Variants in BACE2 observed in about 807,000 individuals in gnomAD.
The protein encoded by BACE2 is 56 kDa aspartic-like protease.
In BACE2, 17 loss-of-function variants were observed where a neutral mutation model predicts 46.2. The ratio of observed to expected loss-of-function variants is 0.37; its 90% confidence interval spans 0.25 to 0.55. The LOEUF (loss-of-function observed/expected upper bound fraction) is 0.55. BACE2 is among the 20% of genes least tolerant of loss of function. BACE2 has a pLI of 0.82. For synonymous variants in BACE2, 277 were observed against 295.9 expected (o/e 0.94, Z 0.66); for missense variants, 595 against 698.1 (o/e 0.85, Z 1.66).
intron 1 of BACE2, among the ~76,000 whole-genome samples, chr21:41,215,854 T>G (rs1044197055): frequency 1.3e-5 from 2 of 152,082 alleles, no homozygotes; most frequent in African/African-American, 2.4e-5. Flanking sequence ...TTCAATGACC[T>G]TTTATGTAGC....
intron 1 of BACE2, chr21:41,179,897 G>T: frequency 2.6e-6 from 1 of 378,014 alleles, no homozygotes. Context: ...TGCAGGACAG[G>T]CGAGCCCTAA....
intron 2 of BACE2, among the ~76,000 whole-genome samples, chr21:41,231,438 G>A (rs1171363016): frequency 1.3e-5 from 2 of 152,202 alleles, no homozygotes; most frequent in African/African-American, 2.4e-5. Flanking sequence ...TTCTTTAGGA[G>A]ACTCAGCATT....
At chr21:41,257,027 A>G in intron 7 of BACE2, 131 bp from the exon 8 acceptor site, 5 of 935,346 alleles carry the variant, frequency 5.3e-6, no homozygotes, top group Non-Finnish European at 8.1e-6. Flanking sequence ...GGGTGAGATC[A>G]TCTTTCTTCT....
At chr21:41,268,548 C>G (rs2088402322) in intron 8 of BACE2, among the ~76,000 whole-genome samples, 1 of 152,170 alleles carries the variant, frequency 6.6e-6, no homozygotes, top group Non-Finnish European at 1.5e-5. Flanking sequence ...TGCTTTATGT[C>G]TGACCATCTT....
At chr21:41,202,734 C>T (rs185626691) in intron 1 of BACE2, among the ~76,000 whole-genome samples, 15 of 152,326 alleles carry the variant, frequency 9.8e-5, no homozygotes, top group African/African-American at 2.9e-4. Flanking sequence ...TGCTGATAGA[C>T]AGCAGTGCGG....
chr21:41,218,866 T>A (rs1986553608), intron 1 of BACE2, among the ~76,000 whole-genome samples: 1 of 127,374 alleles, frequency 7.9e-6, no homozygotes, highest in African/African-American at 3.7e-5. Context: ...CCAAACATCT[T>A]GACTTTTTTT....
intron 1 of BACE2, among the ~76,000 whole-genome samples, chr21:41,173,110 A>G (rs1984663485): frequency 6.6e-6 from 1 of 152,216 alleles, no homozygotes; most frequent in African/African-American, 2.4e-5. Flanking sequence ...CACTTTCTGA[A>G]TAAGGTTAAG....
At chr21:41,251,179 G>A (rs141638430) in intron 7 of BACE2, among the ~76,000 whole-genome samples, 27 of 152,314 alleles carry the variant, frequency 1.8e-4, no homozygotes, top group Admixed American at 9.1e-4. Context: ...ATCTGGTGGC[G>A]AGGTGGATGG....
At chr21:41,230,756 T>A (rs774079669) in intron 2 of BACE2, among the ~76,000 whole-genome samples, 11 of 152,352 alleles carry the variant, frequency 7.2e-5, no homozygotes, top group Admixed American at 2.6e-4. Context: ...CATTAGTCAT[T>A]TGTGAGCTCG....
intron 1 of BACE2, chr21:41,178,599 T>C (rs1984950759): frequency 6.4e-6 from 1 of 155,198 alleles, no homozygotes. Context: ...TAGCCAAGCT[T>C]GGTGGTGCAT....
At chr21:41,251,046 T>A in intron 7 of BACE2, 145 bp downstream of exon 7, 1 of 891,488 alleles carries the variant, frequency 1.1e-6, no homozygotes, top group South Asian at 1.7e-5. Context: ...ATATTACTGC[T>A]CCTGAGTCCA....
chr21:41,233,069 C>T (rs369078222), intron 2 of BACE2, among the ~76,000 whole-genome samples: 7 of 152,042 alleles, frequency 4.6e-5, no homozygotes, highest in East Asian at 3.9e-4. Context: ...GGGGTTTCAC[C>T]GTGTTAGCCA....
At chr21:41,244,208 C>T (rs1052175634) in intron 5 of BACE2, among the ~76,000 whole-genome samples, 1 of 152,230 alleles carries the variant, frequency 6.6e-6, no homozygotes, top group Non-Finnish European at 1.5e-5. Context: ...GTTAGCACTT[C>T]TGTTCGTATT....
At chr21:41,252,128 G>A (rs1601310127) in intron 7 of BACE2, among the ~76,000 whole-genome samples, 2 of 151,940 alleles carry the variant, frequency 1.3e-5, no homozygotes, top group African/African-American at 2.4e-5. Flanking sequence ...ACTTTCACCC[G>A]AGCCTCCCCT....
intron 8 of BACE2, among the ~76,000 whole-genome samples, chr21:41,272,713 A>G (rs935426754): frequency 6.6e-6 from 1 of 152,182 alleles, no homozygotes; most frequent in Admixed American, 6.5e-5. Context: ...GAATACAGTT[A>G]TAATAAATAT....
chr21:41,205,725 A>C (rs1447327066), intron 1 of BACE2, among the ~76,000 whole-genome samples: 2 of 152,188 alleles, frequency 1.3e-5, no homozygotes, highest in Non-Finnish European at 2.9e-5. Context: ...AATTGTCTGT[A>C]GTTGCTTGTA....
At chr21:41,272,482 CT>C (rs896964308) in intron 8 of BACE2, among the ~76,000 whole-genome samples, 3 of 151,006 alleles carry the variant, frequency 2.0e-5, no homozygotes, top group Non-Finnish European at 3.0e-5. Context: ...CTCTCTCTCT[CT>C]TTTTTTTCAG....
chr21:41,258,677 A>AT (rs56865554), intron 8 of BACE2, among the ~76,000 whole-genome samples: 90,598 of 151,992 alleles, frequency 0.6, 27,359 homozygotes, highest in East Asian at 0.76. Flanking sequence ...GAAAGATTGC[A>AT]GTGGACTATT....
chr21:41,220,004 G>A (rs563747057), intron 1 of BACE2, among the ~76,000 whole-genome samples: 3 of 152,140 alleles, frequency 2.0e-5, no homozygotes, highest in Admixed American at 1.3e-4. Flanking sequence ...TGCCAGTTGC[G>A]AGCTCCGGGT....
Sources: gnomAD v4.1 joint callset for allele counts (sites outside exome capture counted in the v4.1 genomes callset) on GRCh38, gnomAD v4.1.1 for gene constraint, MANE v1.5 for transcripts, NCBI Gene and HGNC (gene_info 2026-07-23, HGNC 2026-07-21) for gene names.